Variants in HYLS1 observed in about 807,000 individuals in gnomAD.
The protein encoded by HYLS1 is HYLS1 centriolar and ciliogenesis associated.
HYLS1 carries 25 observed loss-of-function variants against 29.4 expected under a neutral mutation model. The observed-to-expected ratio is 0.85, with a 90% CI of 0.62 to 1.19. The LOEUF (loss-of-function observed/expected upper bound fraction) is 1.19. Among genes scored for constraint, HYLS1 ranks in the 50% most tolerant of loss-of-function variants. The pLI is 0.00. For missense variants in HYLS1, 352 were observed against 365.1 expected (o/e 0.96, Z 0.29); for synonymous variants, 128 against 126.7 (o/e 1.01, Z -0.07).
chr11:125,895,331 G>C (rs1565453004), intron 2 of HYLS1: 1 of 1,614,104 alleles, frequency 6.2e-7, no homozygotes, highest in South Asian at 1.1e-5. Context: ...TCATACATCG[G>C]ACTTGATGAT....
intron 2 of HYLS1, among the ~76,000 whole-genome samples, chr11:125,892,260 T>C (rs899229441): frequency 1.3e-5 from 2 of 152,198 alleles, no homozygotes; most frequent in Non-Finnish European, 2.9e-5. Flanking sequence ...GCAAAATTAC[T>C]CATTCTCTGA....
chr11:125,897,301 G>A (rs189527378), intron 2 of HYLS1, among the ~76,000 whole-genome samples: 29 of 152,108 alleles, frequency 1.9e-4, no homozygotes, highest in Non-Finnish European at 4.3e-4. Context: ...AGAAAACATG[G>A]AATGACTTTT....
upstream of HYLS1, chr11:125,883,966 C>A (rs1345039554): frequency 6.6e-6 from 1 of 152,132 alleles, no homozygotes; most frequent in Non-Finnish European, 1.5e-5. Flanking sequence ...GATAAACCAA[C>A]AACACCTAAT....
intron 1 of HYLS1, among the ~76,000 whole-genome samples, chr11:125,888,728 C>A (rs1591492600): frequency 6.7e-6 from 1 of 148,694 alleles, no homozygotes; most frequent in South Asian, 2.1e-4. Context: ...GAGATCGCGC[C>A]ACTGCACTCC....
At chr11:125,885,712 G>C (rs1488728607), upstream of HYLS1, among the ~76,000 whole-genome samples, 1 of 152,248 alleles carries the variant, frequency 6.6e-6, no homozygotes, top group Admixed American at 6.5e-5. Flanking sequence ...TAGGAACCAG[G>C]CCGCAAGGCA....
At chr11:125,885,721 C>T (rs1246890986), upstream of HYLS1, among the ~76,000 whole-genome samples, 1 of 152,266 alleles carries the variant, frequency 6.6e-6, no homozygotes, top group Non-Finnish European at 1.5e-5. Context: ...GGCCGCAAGG[C>T]AGGGGGTAAG....
intron 1 of HYLS1, among the ~76,000 whole-genome samples, chr11:125,890,263 G>A (rs1192558754): frequency 6.6e-6 from 1 of 150,618 alleles, no homozygotes; most frequent in African/African-American, 2.4e-5. Context: ...GTTATTATTC[G>A]TTTGGTACGG....
chr11:125,894,765 A>G (rs1944522854), intron 2 of HYLS1, among the ~76,000 whole-genome samples: 1 of 152,242 alleles, frequency 6.6e-6, no homozygotes, highest in Non-Finnish European at 1.5e-5. Context: ...GCAAGATTTA[A>G]TATGAATAGT....
chr11:125,886,992 T>C (rs1944316074), upstream of HYLS1: 1 of 148,048 alleles, frequency 6.8e-6, no homozygotes, highest in Admixed American at 6.8e-5. Context: ...AGAAAACAAG[T>C]GCATGTCGGA....
At chr11:125,885,215 G>A (rs900617139), upstream of HYLS1, among the ~76,000 whole-genome samples, 1 of 152,222 alleles carries the variant, frequency 6.6e-6, no homozygotes, top group African/African-American at 2.4e-5. Flanking sequence ...ACTTTGGGAG[G>A]TGGAGGCTGG....
At chr11:125,894,566 C>T (rs1944516773) in intron 2 of HYLS1, among the ~76,000 whole-genome samples, 1 of 152,122 alleles carries the variant, frequency 6.6e-6, no homozygotes, top group South Asian at 2.1e-4. Context: ...TTAAAAACAG[C>T]TGGTATTTTT....
At chr11:125,890,932 T>TA (rs200637926) in intron 1 of HYLS1, among the ~76,000 whole-genome samples, 26,756 of 147,524 alleles carry the variant, frequency 0.18, 2,370 homozygotes, top group Middle Eastern at 0.2. Flanking sequence ...CACATGCCAT[T>TA]AAAAAAAAAA....
intron 2 of HYLS1, chr11:125,895,629 A>G (rs754822744): frequency 1.1e-5 from 17 of 1,614,146 alleles, no homozygotes; most frequent in East Asian, 2.2e-5. Flanking sequence ...GCTTGGTTCT[A>G]CAGGGGCCCA....
chr11:125,900,321 T>G lies in HYLS1; in HGVS notation c.*53T>G. Reference sequence around the variant, plus strand: ...GTTTGAGATAACCTAGCTCTTTATATCTTCCCTTTTAAATAGAAACAACTG... The same window carrying G: ...GTTTGAGATAACCTAGCTCTTTATAGCTTCCCTTTTAAATAGAAACAACTG... On this transcript the variant is annotated 3_prime_UTR_variant, in exon 3 of 3. Transcript: ENST00000425380. 1 of 1,538,516 alleles carries G rather than the reference T, an allele frequency of 6.5e-7. No individual in the cohort carries two copies. The highest frequency in any genetic ancestry group is 9.0e-7 in the Non-Finnish European group (1 of 1,112,856).
intron 2 of HYLS1, among the ~76,000 whole-genome samples, chr11:125,893,287 A>G (rs1236221310): frequency 6.6e-6 from 1 of 152,250 alleles, no homozygotes; most frequent in African/African-American, 2.4e-5. Flanking sequence ...GCTTTGTAAG[A>G]TAAGGTACTG....
upstream of HYLS1, among the ~76,000 whole-genome samples, chr11:125,885,889 G>A (rs1043503669): frequency 2.6e-5 from 4 of 152,136 alleles, no homozygotes; most frequent in African/African-American, 7.2e-5. Flanking sequence ...TGCTCCTTAT[G>A]AGAATCTAAT....
chr11:125,898,568 T>G (rs2134254001), intron 2 of HYLS1, among the ~76,000 whole-genome samples: 1 of 152,072 alleles, frequency 6.6e-6, no homozygotes, highest in South Asian at 2.1e-4. Flanking sequence ...GTCCAGTTAC[T>G]CCGGAGTCTT....
rs2134257792 is a variant in HYLS1 at position 125,899,554 on chromosome 11, T to G, written c.186T>G (p.Pro62=). 1 of 1,614,150 alleles carries G rather than the reference T, an allele frequency of 6.2e-7. No individual in the cohort carries two copies. Among genetic ancestry groups the G allele is most frequent in the East Asian group, 2.2e-5 (1 of 44,880 alleles). ...CTTCAGTAGCCCCAGGGAAGCGACCTGCTCTTCCTGTGCAACTACAGTACC... is the reference window on the plus strand; with the variant it reads ...CTTCAGTAGCCCCAGGGAAGCGACCGGCTCTTCCTGTGCAACTACAGTACC... ...SKASVAPGKR[P]ALPVQLQYPH... The change falls in exon 3 of 3, where the codon CCT becomes CCG. Residue 62 remains proline, a synonymous_variant. Transcript: ENST00000425380.
chr11:125,898,253 C>A (rs1331695563), intron 2 of HYLS1, among the ~76,000 whole-genome samples: 1 of 152,106 alleles, frequency 6.6e-6, no homozygotes, highest in Non-Finnish European at 1.5e-5. Flanking sequence ...AGTGGGGACA[C>A]AGGAAATAGT....
Sources: gnomAD v4.1 joint callset for allele counts (sites outside exome capture counted in the v4.1 genomes callset) on GRCh38, gnomAD v4.1.1 for gene constraint, MANE v1.5 for transcripts, NCBI Gene and HGNC (gene_info 2026-07-23, HGNC 2026-07-21) for gene names.